DEFB135: variants seen among roughly 807,000 people sequenced by gnomAD.
DEFB135 encodes the protein beta-defensin 135.
DEFB135 carries 14 observed loss-of-function variants against 8.9 expected under a neutral mutation model. The observed-to-expected ratio is 1.58, with a 90% CI of 1.04 to 2.47. The LOEUF (loss-of-function observed/expected upper bound fraction) is 2.47, where lower values mean the gene tolerates loss of function less well. DEFB135 is among the 30% of genes most tolerant of loss of function. The probability of loss-of-function intolerance (pLI) is 0.00; values close to 1 mark genes in which losing one functional copy is unlikely to be tolerated. For missense variants in DEFB135, 135 were observed against 94.2 expected (o/e 1.43, Z -1.79); for synonymous variants, 51 against 34.5 (o/e 1.48, Z -1.67).
chr8:11,984,460 C>A lies in DEFB135; in HGVS notation c.104C>A (p.Ala35Asp). ...GPNVYIQKIF[A>D]SCWRLQGTCR... ...AATGTCTACATACAAAAAATCTTTG[C>A]TTCATGTTGGCGACTGCAAGGTACT... Residue 35 changes from alanine (A) to aspartate (D), a missense_variant, in exon 2 of 2, where the codon GCT (alanine) becomes GAT (aspartate). Ala to Asp is a moderately radical substitution (Grantham distance 126). Transcript: ENST00000382208. The A allele has an allele frequency of 6.4e-7, 1 of 1,570,020 alleles. No individual in the cohort carries two copies. The highest frequency in any genetic ancestry group is 1.2e-5 in the South Asian group (1 of 86,242).
At chr8:11,982,661 C>T (rs917805876) in intron 1 of DEFB135, among the ~76,000 whole-genome samples, 2 of 152,096 alleles carry the variant, frequency 1.3e-5, no homozygotes, top group African/African-American at 4.8e-5. Flanking sequence ...TTGGTACTGG[C>T]AGAAGTAGGG....
In DEFB135 at chr8:11,982,351, G is replaced by T. The variant is rs141141605; in HGVS notation, c.31G>T (p.Val11Leu). 1 of 1,614,088 alleles carries T rather than the reference G, an allele frequency of 6.2e-7. No individual in the cohort carries two copies. The highest frequency in any genetic ancestry group is 8.5e-7 in the Non-Finnish European group (1 of 1,180,016). The stretch of plus-strand genomic sequence containing the variant: ...CACAAGGAGCGTCCTCTTGGCCCTC[G>T]TGGTCCTTAACTTACTCTTCTATGT... MATRSVLLALVVLNLLFYVPP... is the reference protein window; with the variant it reads MATRSVLLALLVLNLLFYVPP... The change falls in exon 1 of 2, where the codon GTG becomes TTG. Residue 11 changes from valine to leucine, a missense_variant. Coordinates refer to ENST00000382208, the MANE Select transcript of DEFB135 (RefSeq NM_001033017.3).
chr8:11,982,436 G>C, intron 1 of DEFB135, 52 bp downstream of exon 1: 3 of 1,602,118 alleles, frequency 1.9e-6, no homozygotes, highest in Non-Finnish European at 2.6e-6. Flanking sequence ...GGGAAAAAAG[G>C]TGTGAGGTTC....
At chr8:11,983,508 C>A (rs1348987313) in intron 1 of DEFB135, among the ~76,000 whole-genome samples, 1 of 152,218 alleles carries the variant, frequency 6.6e-6, no homozygotes, top group Non-Finnish European at 1.5e-5. Flanking sequence ...TGTGTCTCTA[C>A]TGGACTCCTT....
rs756239255 is a variant in DEFB135 at position 11,984,453 on chromosome 8, A to C, written c.97A>C (p.Ile33Leu). ...RSGPNVYIQKIFASCWRLQGT... is the reference protein window; with the variant it reads ...RSGPNVYIQKLFASCWRLQGT... ...TGGACCCAATGTCTACATACAAAAA[A>C]TCTTTGCTTCATGTTGGCGACTGCA... Residue 33 changes from isoleucine (I) to leucine (L), a missense_variant, in exon 2 of 2, where the codon ATC becomes CTC. By Grantham distance (5) the Ile-to-Leu change is conservative. Coordinates refer to ENST00000382208, the MANE Select transcript of DEFB135 (RefSeq NM_001033017.3). 7.0e-6 allele frequency: 11 copies of C among 1,568,944 alleles called. No individual in the cohort carries two copies. The highest frequency in any genetic ancestry group is 8.7e-6 in the Non-Finnish European group (10 of 1,148,118).
chr8:11,983,688 G>T (rs1468586055), intron 1 of DEFB135, among the ~76,000 whole-genome samples: 2 of 152,180 alleles, frequency 1.3e-5, no homozygotes, highest in Non-Finnish European at 2.9e-5. Flanking sequence ...GCAAGAGCAG[G>T]TGATACAGTA....
intron 1 of DEFB135, among the ~76,000 whole-genome samples, chr8:11,982,996 G>C (rs545394515): frequency 6.6e-6 from 1 of 152,150 alleles, no homozygotes; most frequent in Non-Finnish European, 1.5e-5. Flanking sequence ...TCTCAAAACT[G>C]TTTTGCTTGT....
chr8:11,984,581 T>C lies in DEFB135; in HGVS notation c.225T>C (p.Thr75=). The change falls in exon 2 of 2, where the codon ACT becomes ACC. Residue 75 remains threonine, a synonymous_variant. Transcript: ENST00000382208. ...CVNPKYLPIL[T]GK ...ACCCAAAATATTTACCTATACTGAC[T>C]GGGAAATAGTTGTGAGTACCTGAAA... 2 of 1,497,970 alleles carry C rather than the reference T, an allele frequency of 1.3e-6. No homozygotes were observed. 92.8% of individuals were successfully genotyped at this position (1,497,970 alleles called of 1,614,324 possible).
At chr8:11,982,599 T>G (rs1243665679) in intron 1 of DEFB135, among the ~76,000 whole-genome samples, 2 of 152,018 alleles carry the variant, frequency 1.3e-5, no homozygotes, top group Non-Finnish European at 1.5e-5. Context: ...AAGAAACTGG[T>G]TATGGATTTT....
intron 1 of DEFB135, 119 bp from the exon 2 acceptor site, chr8:11,984,302 T>G: frequency 1.3e-6 from 1 of 785,368 alleles, no homozygotes; most frequent in Non-Finnish European, 1.8e-6. Context: ...TTGAGTATCT[T>G]TGATCGCGTC....
intron 1 of DEFB135, among the ~76,000 whole-genome samples, chr8:11,983,790 G>T (rs1430985585): frequency 6.6e-6 from 1 of 151,958 alleles, no homozygotes; most frequent in Non-Finnish European, 1.5e-5. Context: ...AGTTCTTAAG[G>T]TGTAGAAAAA....
chr8:11,984,574 T>C lies in DEFB135; in HGVS notation c.218T>C (p.Ile73Thr). The change falls in exon 2 of 2, where the codon ATA becomes ACA. Residue 73 changes from isoleucine (I) to threonine (T), a missense_variant. By Grantham distance (89) the Ile-to-Thr change is moderately conservative. Transcript: ENST00000382208. ...LCCVNPKYLP[I>T]LTGK ...TGTGTAAACCCAAAATATTTACCTA[T>C]ACTGACTGGGAAATAGTTGTGAGTA... 1 of 1,507,056 alleles carries C rather than the reference T, an allele frequency of 6.6e-7. No individual in the cohort carries two copies. Among genetic ancestry groups the C allele is most frequent in the Non-Finnish European group, 9.0e-7 (1 of 1,113,470 alleles). The allele number at this position is 1,507,056 out of a possible 1,614,324, so 93.4% of individuals were successfully genotyped here. A position where few individuals can be genotyped will look rare whatever the true frequency, so the allele number is the denominator to read the frequency against.
chr8:11,984,239 C>G (rs541153266), intron 1 of DEFB135, among the ~76,000 whole-genome samples, 182 bp from the exon 2 acceptor site: 6 of 152,190 alleles, frequency 3.9e-5, no homozygotes, highest in African/African-American at 1.2e-4. Context: ...TAATAGGGCC[C>G]CTGGAAAACA....
chr8:11,983,896 C>A (rs370050397), intron 1 of DEFB135, among the ~76,000 whole-genome samples: 2 of 152,082 alleles, frequency 1.3e-5, no homozygotes, highest in African/African-American at 4.8e-5. Context: ...AGAATGGGTA[C>A]TTCTTAAGTA....
chr8:11,984,302 T>A (rs1428994098), intron 1 of DEFB135, 119 bp from the exon 2 acceptor site: 1 of 785,248 alleles, frequency 1.3e-6, no homozygotes, highest in African/African-American at 1.8e-5. Flanking sequence ...TTGAGTATCT[T>A]TGATCGCGTC....
intron 1 of DEFB135, 121 bp from the exon 2 acceptor site, chr8:11,984,300 C>A (rs889662258): frequency 5.2e-6 from 4 of 771,640 alleles, no homozygotes; most frequent in African/African-American, 1.8e-5. Context: ...TCTTGAGTAT[C>A]TTTGATCGCG....
chr8:11,982,629 G>C (rs1799758288), intron 1 of DEFB135, among the ~76,000 whole-genome samples: 1 of 152,220 alleles, frequency 6.6e-6, no homozygotes, highest in Non-Finnish European at 1.5e-5. Flanking sequence ...AGCTGGTGAA[G>C]TTTGAGGGGA....
intron 1 of DEFB135, among the ~76,000 whole-genome samples, chr8:11,983,507 A>G (rs7839224): frequency 0.11 from 17,374 of 152,224 alleles, 1,722 homozygotes; most frequent in African/African-American, 0.27. Flanking sequence ...GTGTGTCTCT[A>G]CTGGACTCCT....
At chr8:11,983,400 A>C (rs970520875) in intron 1 of DEFB135, among the ~76,000 whole-genome samples, 3 of 152,144 alleles carry the variant, frequency 2.0e-5, no homozygotes, top group Admixed American at 6.5e-5. Flanking sequence ...CAAAAATAAA[A>C]ATTAAAAAAA....
Sources: gnomAD v4.1 joint callset for allele counts (sites outside exome capture counted in the v4.1 genomes callset) on GRCh38, gnomAD v4.1.1 for gene constraint, MANE v1.5 for transcripts, NCBI Gene and HGNC (gene_info 2026-07-23, HGNC 2026-07-21) for gene names.